The following SKI variants were observed in gnomAD, a reference collection of about 807,000 sequenced individuals.
SKI encodes ski oncogene.
Under a neutral mutation model 59.3 loss-of-function variants are expected in SKI, and 23 were observed. That is an observed-to-expected ratio of 0.39 (90% confidence interval 0.28 to 0.55). The LOEUF (loss-of-function observed/expected upper bound fraction) is 0.55. Among genes scored for constraint, SKI ranks in the 20% least tolerant of loss-of-function variants. The probability of loss-of-function intolerance (pLI) is 0.67; values close to 1 mark genes in which losing one functional copy is unlikely to be tolerated. For missense variants in SKI, 1,017 were observed against 1,038.9 expected (o/e 0.98, Z 0.29); for synonymous variants, 673 against 488.6 (o/e 1.38, Z -4.98).
intron 1 of SKI, among the ~76,000 whole-genome samples, chr1:2,242,331 C>T (rs1638898200): frequency 6.6e-6 from 1 of 152,102 alleles, no homozygotes; most frequent in South Asian, 2.1e-4. Flanking sequence ...TGTCTTTGTT[C>T]TTGGTGGGTT....
rs1639549117 is a variant in SKI, at chr1:2,268,643, C to T, written c.970-34335C>T. ...CTTTCCCTCACCATGGAGTTTCACC[C>T]AATTTTCAGCTTTGACGGAGAAATG... On this transcript the variant is annotated intron_variant, in intron 1 of 6. Transcript: ENST00000378536. This position sits in a 1 kb window ranked among gnomAD's most constrained non-coding sequence, Gnocchi z 5.0. Among the ~76,000 whole-genome samples the T allele has an allele frequency of 6.6e-6, 1 of 152,198 alleles. No individual in the cohort carries two copies. Among genetic ancestry groups the T allele is most frequent in the African/African-American group, 2.4e-5 (1 of 41,458 alleles).
chr1:2,283,406 A>G lies in SKI; in HGVS notation c.970-19572A>G, dbSNP rs528543880. On this transcript the variant is annotated intron_variant, in intron 1 of 6. Transcript: ENST00000378536. ...TGTCTCTGTGAAAATGGGGGTGAGG[A>G]GGTGGCAAGCATCGCCTTTTGAGGA... Among the ~76,000 whole-genome samples, 6 of 152,090 alleles carry G rather than the reference A, an allele frequency of 3.9e-5. No individual in the cohort carries two copies. In the East Asian group the frequency reaches 9.7e-4, roughly 25 times the overall value.
intron 1 of SKI, among the ~76,000 whole-genome samples, chr1:2,255,092 A>G (rs1289714165): frequency 6.6e-6 from 1 of 151,836 alleles, no homozygotes; most frequent in Non-Finnish European, 1.5e-5. Flanking sequence ...TTTGTCTTTT[A>G]TCTTTAGCTA....
At chr1:2,237,359 C>T (rs1431392953) in intron 1 of SKI, among the ~76,000 whole-genome samples, 2 of 152,338 alleles carry the variant, frequency 1.3e-5, no homozygotes, top group East Asian at 3.9e-4. Context: ...GCTGTGGTTC[C>T]TGAAGGCTGC....
At position 2,229,188 on chromosome 1, in the gene SKI, C is replaced by T. The variant is rs762205602; in HGVS notation, c.422C>T (p.Ala141Val). The T allele has an allele frequency of 1.1e-5, 18 of 1,610,818 alleles. No individual in the cohort carries two copies. Among genetic ancestry groups the T allele is most frequent in the Non-Finnish European group, 1.7e-6 (2 of 1,179,192 alleles). The change falls in exon 1 of 7, where the codon GCG becomes GTG. Residue 141 changes from alanine to valine, a missense_variant. By Grantham distance (64) the Ala-to-Val change is moderately conservative. Coordinates refer to ENST00000378536, the MANE Select transcript of SKI (RefSeq NM_003036.4). This position sits in a 1 kb window ranked among gnomAD's most constrained non-coding sequence, Gnocchi z 6.3. ...GACTTCTCGCTGCAGCAGATCAACGCGGTGTGCGACGAGCTCCACATCTAC... is the reference window on the plus strand; with the variant it reads ...GACTTCTCGCTGCAGCAGATCAACGTGGTGTGCGACGAGCTCCACATCTAC... Reference protein sequence around the residue: ...LRDFSLQQINAVCDELHIYCS... With the variant: ...LRDFSLQQINVVCDELHIYCS...
intron 1 of SKI, among the ~76,000 whole-genome samples, chr1:2,302,380 C>T (rs1389354056): frequency 6.6e-6 from 1 of 152,184 alleles, no homozygotes; most frequent in South Asian, 2.1e-4. Context: ...TGTTTCCTTC[C>T]CATGGGGAGG....
chr1:2,263,531 C>G (rs1172053812), intron 1 of SKI, among the ~76,000 whole-genome samples: 1 of 151,818 alleles, frequency 6.6e-6, no homozygotes, highest in Non-Finnish European at 1.5e-5. Flanking sequence ...GCCACTGCGC[C>G]TGCCAAGAAT....
intron 1 of SKI, among the ~76,000 whole-genome samples, chr1:2,300,609 G>A (rs931680378): frequency 1.3e-5 from 2 of 152,238 alleles, no homozygotes; most frequent in African/African-American, 2.4e-5. Flanking sequence ...GTCCCTCTGA[G>A]AGTGTCACTT....
rs1343066281 is a variant in SKI, at chr1:2,238,148, C to T, written c.969+8413C>T. ...CACCAGCTGGCCCTGGGAGGTCTGTCTGAGAGGAGTTAGGCCTCATTGTCC... is the reference window on the plus strand; with the variant it reads ...CACCAGCTGGCCCTGGGAGGTCTGTTTGAGAGGAGTTAGGCCTCATTGTCC... On this transcript the variant is annotated intron_variant, in intron 1 of 6. Transcript: ENST00000378536. 2.0e-5 allele frequency among the ~76,000 whole-genome samples: 3 copies of T among 152,212 alleles called. No homozygotes were observed. The East Asian group carries it at 5.8e-4, about 29-fold the overall frequency.
intron 1 of SKI, among the ~76,000 whole-genome samples, chr1:2,283,194 C>T (rs1030849432): frequency 2.6e-5 from 4 of 152,338 alleles, no homozygotes; most frequent in Admixed American, 1.3e-4. Flanking sequence ...CCGAGGGTGC[C>T]GGTGCGCCCC....
intron 1 of SKI, among the ~76,000 whole-genome samples, chr1:2,245,152 C>T (rs1280753098): frequency 6.6e-6 from 1 of 151,556 alleles, no homozygotes; most frequent in Non-Finnish European, 1.5e-5. Context: ...ACTTTGGTGA[C>T]TCTAGGGGCC....
Position 2,240,676 on chromosome 1 carries a change from TC to T in SKI, c.969+10942del, listed in dbSNP as rs371869034. On this transcript the variant is annotated intron_variant, in intron 1 of 6. Coordinates refer to ENST00000378536, the MANE Select transcript of SKI (RefSeq NM_003036.4). ...CTTGGAATTCTTCGAAGTGAAGCTC[TC>T]TCTACTTGTTCGGAGGATGGAGGAC... The T allele has an allele frequency of 6.1e-6, 6 of 985,290 alleles. No individual in the cohort carries two copies. The African/African-American group carries it at 8.7e-5, about 14-fold the overall frequency. 61.0% of individuals were successfully genotyped at this position (985,290 alleles called of 1,614,324 possible).
intron 1 of SKI, among the ~76,000 whole-genome samples, chr1:2,245,578 C>T (rs4648817): frequency 0.083 from 12,510 of 151,534 alleles, 678 homozygotes; most frequent in Non-Finnish European, 0.13. Context: ...TGGGCTCAAG[C>T]GATTCTCCTG....
chr1:2,265,469 C>T (rs955292466), intron 1 of SKI, among the ~76,000 whole-genome samples: 2 of 152,092 alleles, frequency 1.3e-5, no homozygotes, highest in African/African-American at 2.4e-5. Flanking sequence ...TATATTATAT[C>T]TTTCGTGTCT....
At chr1:2,255,286 G>T (rs933451122) in intron 1 of SKI, among the ~76,000 whole-genome samples, 2 of 152,186 alleles carry the variant, frequency 1.3e-5, no homozygotes, top group Non-Finnish European at 2.9e-5. Context: ...CCTCAGTCCA[G>T]CTGCTTAGAC....
chr1:2,257,381 T>G (rs543715001), intron 1 of SKI, among the ~76,000 whole-genome samples: 2 of 152,272 alleles, frequency 1.3e-5, no homozygotes, highest in African/African-American at 2.4e-5. Flanking sequence ...ATGGCTCTTA[T>G]GCAGACGTGC....
chr1:2,232,097 G>A (rs1056905364), intron 1 of SKI, among the ~76,000 whole-genome samples: 1 of 152,376 alleles, frequency 6.6e-6, no homozygotes, highest in East Asian at 1.9e-4. Flanking sequence ...CCCCGCCTCC[G>A]CCCTCACTGG....
chr1:2,235,650 TGGG>T (rs2100800697), intron 1 of SKI, among the ~76,000 whole-genome samples: 1 of 152,252 alleles, frequency 6.6e-6, no homozygotes, highest in Non-Finnish European at 1.5e-5. Context: ...GTGGCCTCGA[TGGG>T]GGGCCCAGGG....
chr1:2,265,986 A>G (rs1252005232), intron 1 of SKI, among the ~76,000 whole-genome samples: 1 of 151,666 alleles, frequency 6.6e-6, no homozygotes, highest in Non-Finnish European at 1.5e-5. Context: ...AAATAAAATT[A>G]AAAAAAAATC....
Sources: allele counts gnomAD v4.1 joint callset (sites outside exome capture counted in the v4.1 genomes callset), GRCh38; gene constraint gnomAD v4.1.1; non-coding constraint Gnocchi (gnomAD v3.1); transcripts MANE v1.5; gene names NCBI Gene and HGNC (gene_info 2026-07-23, HGNC 2026-07-21).